The following TOX variants were observed in gnomAD, a reference collection of about 807,000 sequenced individuals.
The protein encoded by TOX is thymocyte selection-associated high mobility group box protein TOX.
In TOX, 11 loss-of-function variants were observed where a neutral mutation model predicts 53.7. The observed-to-expected ratio is 0.20, with a 90% CI of 0.13 to 0.34. The LOEUF (loss-of-function observed/expected upper bound fraction) is 0.34. Ranked by LOEUF, TOX falls within the 10% of genes least tolerant of loss-of-function variation. The pLI, the probability that TOX is intolerant of heterozygous loss-of-function variation, is 1.00. For synonymous variants in TOX, 225 were observed against 245.3 expected (o/e 0.92, Z 0.77); for missense variants, 570 against 664.6 (o/e 0.86, Z 1.56).
intron 3 of TOX, among the ~76,000 whole-genome samples, chr8:58,930,872 C>T (rs1353596831): frequency 6.6e-6 from 1 of 152,148 alleles, no homozygotes; most frequent in African/African-American, 2.4e-5. Context: ...TAACTAATGA[C>T]TGAAAGCTCA....
At chr8:58,966,028 T>C (rs964518979) in intron 1 of TOX, among the ~76,000 whole-genome samples, 2 of 151,176 alleles carry the variant, frequency 1.3e-5, no homozygotes, top group African/African-American at 2.4e-5. Context: ...ATACGCATAG[T>C]TGTAATGCTG....
intron 1 of TOX, among the ~76,000 whole-genome samples, chr8:59,011,597 T>C (rs372727505): frequency 1.3e-5 from 2 of 152,282 alleles, no homozygotes; most frequent in South Asian, 4.1e-4. Flanking sequence ...AGGCTAACTT[T>C]GGCTGCAGGG....
chr8:58,810,256 G>A (rs1277020736), intron 7 of TOX, among the ~76,000 whole-genome samples: 1 of 152,016 alleles, frequency 6.6e-6, no homozygotes, highest in Non-Finnish European at 1.5e-5. Context: ...CTCTTACCTT[G>A]GTCTCCCAAA....
chr8:58,950,212 G>A (rs553528891), intron 2 of TOX, among the ~76,000 whole-genome samples: 118 of 149,470 alleles, frequency 7.9e-4, no homozygotes, highest in African/African-American at 2.8e-3. Flanking sequence ...TCATATACAC[G>A]TGTAATATAC....
At chr8:59,102,874 C>G (rs1804830454) in intron 1 of TOX, among the ~76,000 whole-genome samples, 1 of 152,126 alleles carries the variant, frequency 6.6e-6, no homozygotes, top group East Asian at 1.9e-4. Flanking sequence ...TCTCTCAGCC[C>G]TATACCTGCC....
At chr8:59,006,424 A>G (rs962661227) in intron 1 of TOX, among the ~76,000 whole-genome samples, 1 of 152,168 alleles carries the variant, frequency 6.6e-6, no homozygotes, top group Admixed American at 6.5e-5. Flanking sequence ...ATTGTGATGG[A>G]TGTTTGCACT....
intron 1 of TOX, among the ~76,000 whole-genome samples, chr8:59,085,151 C>T (rs1283392460): frequency 1.3e-5 from 2 of 152,188 alleles, no homozygotes; most frequent in East Asian, 1.9e-4. Context: ...CTGAGAGGAA[C>T]TTTACTACCA....
chr8:58,985,376 A>T (rs1813308274), intron 1 of TOX, among the ~76,000 whole-genome samples: 3 of 152,178 alleles, frequency 2.0e-5, no homozygotes, highest in African/African-American at 7.2e-5. Flanking sequence ...TAAGTGAAAT[A>T]AGCCAGATAC....
chr8:59,044,635 T>C (rs529418377), intron 1 of TOX, among the ~76,000 whole-genome samples: 10 of 152,352 alleles, frequency 6.6e-5, no homozygotes, highest in African/African-American at 2.4e-4. Context: ...ACATACATGA[T>C]TTTAAAAAAA....
At chr8:58,857,896 A>C (rs1313085904) in intron 3 of TOX, among the ~76,000 whole-genome samples, 1 of 151,952 alleles carries the variant, frequency 6.6e-6, no homozygotes, top group Non-Finnish European at 1.5e-5. Context: ...CAGCCTCCTG[A>C]GTAGTTGGGA....
chr8:58,868,556 T>C (rs998241588), intron 3 of TOX, among the ~76,000 whole-genome samples: 1 of 130,470 alleles, frequency 7.7e-6, no homozygotes, highest in Non-Finnish European at 1.7e-5. Flanking sequence ...GTTTTCAAAA[T>C]CTGGGTCAAA....
intron 3 of TOX, among the ~76,000 whole-genome samples, chr8:58,932,913 T>G (rs1812281262): frequency 6.6e-6 from 1 of 152,222 alleles, no homozygotes. Context: ...ACATTAGGCT[T>G]GCTTTTGTTC....
At chr8:59,087,302 C>T (rs889934233) in intron 1 of TOX, among the ~76,000 whole-genome samples, 2 of 152,140 alleles carry the variant, frequency 1.3e-5, no homozygotes, top group Non-Finnish European at 2.9e-5. Context: ...TTTGCTTAGC[C>T]TTTCAGCTTT....
intron 3 of TOX, among the ~76,000 whole-genome samples, chr8:58,879,754 T>C (rs1382517113): frequency 6.6e-6 from 1 of 152,164 alleles, no homozygotes; most frequent in Non-Finnish European, 1.5e-5. Flanking sequence ...CCTGGTTTTG[T>C]AGTTGACCAA....
At position 58,852,539 on chromosome 8, in the gene TOX, A is replaced by C. The variant is rs367636716; in HGVS notation, c.412-734T>G. Reference sequence around the variant, plus strand: ...CTCACTCTTGTAATTCAAGCAATGAATTTTGTCTCTGCAAGGATTAGAATT... The same window carrying C: ...CTCACTCTTGTAATTCAAGCAATGACTTTTGTCTCTGCAAGGATTAGAATT... On this transcript the variant is annotated intron_variant, in intron 3 of 8. Transcript: ENST00000361421. Among the ~76,000 whole-genome samples the C allele has an allele frequency of 1.4e-4, 21 of 152,352 alleles. No individual in the cohort carries two copies. In the South Asian group the frequency reaches 2.3e-3, roughly 17 times the overall value.
intron 1 of TOX, among the ~76,000 whole-genome samples, chr8:59,026,036 CA>C (rs1205715704): frequency 6.6e-6 from 1 of 151,736 alleles, no homozygotes; most frequent in East Asian, 1.9e-4. Flanking sequence ...TCAAGAGTGG[CA>C]AAAAAATGAG....
At chr8:59,009,735 A>G (rs1184187435) in intron 1 of TOX, among the ~76,000 whole-genome samples, 2 of 152,034 alleles carry the variant, frequency 1.3e-5, no homozygotes, top group East Asian at 3.9e-4. Context: ...CCTTTGAGGT[A>G]CTTCTCTTTT....
At chr8:58,978,400 A>G (rs1813143479) in intron 1 of TOX, among the ~76,000 whole-genome samples, 1 of 152,206 alleles carries the variant, frequency 6.6e-6, no homozygotes, top group South Asian at 2.1e-4. Flanking sequence ...AAACCTTGAA[A>G]TGACAGACTC....
At chr8:59,028,511 A>G (rs1296225276) in intron 1 of TOX, among the ~76,000 whole-genome samples, 1 of 152,156 alleles carries the variant, frequency 6.6e-6, no homozygotes, top group East Asian at 1.9e-4. Context: ...TCTAATATAT[A>G]GACAGATATA....
Sources: gnomAD v4.1 joint callset for allele counts (sites outside exome capture counted in the v4.1 genomes callset) on GRCh38, gnomAD v4.1.1 for gene constraint, MANE v1.5 for transcripts, NCBI Gene and HGNC (gene_info 2026-07-23, HGNC 2026-07-21) for gene names.